The following ANK2 variants were observed in gnomAD, a reference collection of about 807,000 sequenced individuals.
The protein encoded by ANK2 is ankyrin-2.
In ANK2, 83 loss-of-function variants were observed where a neutral mutation model predicts 360.5. That is an observed-to-expected ratio of 0.23 (90% CI 0.19 to 0.28). The LOEUF (loss-of-function observed/expected upper bound fraction) is 0.28, where lower values mean the gene tolerates loss of function less well. Ranked by LOEUF, ANK2 falls within the 10% of genes least tolerant of loss-of-function variation. The pLI is 1.00. For synonymous variants in ANK2, 1,740 were observed against 1,759.5 expected (o/e 0.99, Z 0.28); for missense variants, 4,201 against 4,795.7 (o/e 0.88, Z 3.66).
At chr4:112,969,129 CA>C (rs2038485331) in intron 2 of ANK2, among the ~76,000 whole-genome samples, 1 of 152,132 alleles carries the variant, frequency 6.6e-6, no homozygotes, top group South Asian at 2.1e-4. Context: ...AGGTATTTTC[CA>C]AAGGCTTTAT....
chr4:112,804,444 C>T, the ANK2 span, among the ~76,000 whole-genome samples: 2 of 152,154 alleles, frequency 1.3e-5, no homozygotes, highest in African/African-American at 4.8e-5. Context: ...GTGGCATTAG[C>T]ACTGCATTTC....
chr4:112,827,070 C>T, intron 1 of ANK2: 1 of 1,201,098 alleles, frequency 8.3e-7, no homozygotes, highest in East Asian at 2.3e-5. Context: ...TGAACTTGAT[C>T]ACCCATGCAA....
At chr4:113,362,934 A>G (rs1485466460) in intron 39 of ANK2, among the ~76,000 whole-genome samples, 1 of 152,172 alleles carries the variant, frequency 6.6e-6, no homozygotes, top group African/African-American at 2.4e-5. Flanking sequence ...GATTTATAAT[A>G]CTCAAAACAT....
At chr4:113,007,203 G>A (rs978945785) in intron 2 of ANK2, among the ~76,000 whole-genome samples, 4 of 152,106 alleles carry the variant, frequency 2.6e-5, no homozygotes, top group African/African-American at 9.7e-5. Flanking sequence ...GAAGCTGCCC[G>A]ATTTGAGTAT....
chr4:113,151,321 A>ATT (rs774693995), intron 1 of ANK2: 16 of 382,404 alleles, frequency 4.2e-5, no homozygotes, highest in Non-Finnish European at 6.5e-5. Flanking sequence ...GTTTATTTGG[A>ATT]TCACAGTTCT....
rs759688702 is a variant in ANK2 at position 113,237,133 on chromosome 4, T to G, written c.630T>G (p.Leu210=). 6.2e-6 allele frequency: 10 copies of G among 1,614,168 alleles called. No homozygotes were observed. The South Asian group carries it at 9.9e-5, about 16-fold the overall frequency. ...AAGACGACACCAAATCTGCCGCACT[T>G]CTGCTTCAGAATGACCACAATGCTG... The part of the protein sequence containing the change: ...ARKDDTKSAA[L]LLQNDHNADV... The change falls in exon 6 of 46, where the codon CTT becomes CTG. Residue 210 remains leucine (L), a synonymous_variant. Transcript: ENST00000357077.
At chr4:113,124,968 T>TA (rs1280376510) in intron 1 of ANK2, among the ~76,000 whole-genome samples, 11 of 151,458 alleles carry the variant, frequency 7.3e-5, no homozygotes, top group African/African-American at 2.4e-4. Context: ...CCATCTCTTT[T>TA]AAAAAAAAAT....
intron 2 of ANK2, among the ~76,000 whole-genome samples, chr4:113,181,600 G>A (rs1328292203): frequency 6.6e-6 from 1 of 152,166 alleles, no homozygotes; most frequent in Non-Finnish European, 1.5e-5. Flanking sequence ...AAATACAGCA[G>A]GGGAGAAGGA....
chr4:112,732,452 GC>G, the ANK2 span, among the ~76,000 whole-genome samples: 2 of 151,884 alleles, frequency 1.3e-5, no homozygotes, highest in African/African-American at 4.8e-5. Flanking sequence ...TCCTTGTGTT[GC>G]CCAGGCTAGT....
At chr4:112,917,768 T>C (rs2090322737) in intron 2 of ANK2, among the ~76,000 whole-genome samples, 1 of 152,218 alleles carries the variant, frequency 6.6e-6, no homozygotes, top group Admixed American at 6.5e-5. Flanking sequence ...ATATGGACTT[T>C]CAATATGTAT....
chr4:112,836,317 C>A (rs1423989136), intron 1 of ANK2, among the ~76,000 whole-genome samples: 1 of 152,120 alleles, frequency 6.6e-6, no homozygotes, highest in African/African-American at 2.4e-5. Context: ...GCTTCCCCAG[C>A]CATACAGAAC....
intron 2 of ANK2, among the ~76,000 whole-genome samples, chr4:113,017,868 CAAAT>C (rs1180707556): frequency 6.6e-6 from 1 of 152,126 alleles, no homozygotes; most frequent in Non-Finnish European, 1.5e-5. Flanking sequence ...ATTTTAGTGT[CAAAT>C]AACCCATCAC....
intron 24 of ANK2, among the ~76,000 whole-genome samples, chr4:113,314,299 C>T (rs991132714): frequency 3.3e-5 from 5 of 152,084 alleles, no homozygotes; most frequent in African/African-American, 4.8e-5. Context: ...GATTTCTACT[C>T]GTTAAGTTTG....
In ANK2 at chr4:113,088,142, C is replaced by T. The variant is rs529540285; in HGVS notation, c.84+38330C>T. Among the ~76,000 whole-genome samples, 14 of 151,944 alleles carry T rather than the reference C, an allele frequency of 9.2e-5. 1 individual carries two copies. In the East Asian group the frequency reaches 9.7e-4, roughly 10 times the overall value. ...TTTAAGGCTGATAAATTGCTGTGTC[C>T]CTTGATGCTCTTCATTAGCATCAGA... On this transcript the variant is annotated intron_variant, in intron 1 of 45. Coordinates refer to ENST00000357077, the MANE Select transcript of ANK2 (RefSeq NM_001148.6).
chr4:113,184,038 G>T (rs1465418483), intron 2 of ANK2, among the ~76,000 whole-genome samples: 4 of 148,848 alleles, frequency 2.7e-5, no homozygotes, highest in African/African-American at 7.3e-5. Flanking sequence ...GAGATCCAAA[G>T]ACACTGCTTC....
chr4:112,719,589 G>T, the ANK2 span, among the ~76,000 whole-genome samples: 2 of 151,976 alleles, frequency 1.3e-5, no homozygotes, highest in African/African-American at 4.8e-5. Context: ...TTAGCCAGGC[G>T]TTGTGGTGGG....
At position 113,231,063 on chromosome 4, in the gene ANK2, T is replaced by C. The variant is rs1012107009; in HGVS notation, c.385-1098T>C. On this transcript the variant is annotated intron_variant, in intron 4 of 45. Transcript: ENST00000357077. ...ACATTTTCTTTTTTTTTTTTTTCTT[T>C]TTTTTTGAGATGGAGTCTCACTCTG... Among the ~76,000 whole-genome samples, 3 of 151,678 alleles carry C rather than the reference T, an allele frequency of 2.0e-5. No individual in the cohort carries two copies. In the East Asian group the frequency reaches 5.8e-4, roughly 29 times the overall value.
chr4:113,315,974 C>T (rs1008783085), intron 24 of ANK2, among the ~76,000 whole-genome samples: 9 of 151,046 alleles, frequency 6.0e-5, no homozygotes, highest in African/African-American at 2.2e-4. Flanking sequence ...TGGATCTTAG[C>T]TATCTTTGTG....
chr4:112,873,849 T>C lies in ANK2; in HGVS notation c.-39-30606T>C, dbSNP rs527441655. Among the ~76,000 whole-genome samples, 5 of 151,978 alleles carry C rather than the reference T, an allele frequency of 3.3e-5. No homozygotes were observed. The East Asian group carries it at 9.8e-4, about 30-fold the overall frequency. On this transcript the variant is annotated intron_variant, in intron 1 of 30. Coordinates refer to the ANK2 transcript ENST00000503271. Reference sequence around the variant, plus strand: ...GAGCCACCATGCCCGGCCCCTGTTATTGGTTTCTAAAGTTATTCCACTTTG... The same window carrying C: ...GAGCCACCATGCCCGGCCCCTGTTACTGGTTTCTAAAGTTATTCCACTTTG...
Sources: gnomAD v4.1 joint callset for allele counts (sites outside exome capture counted in the v4.1 genomes callset) on GRCh38, gnomAD v4.1.1 for gene constraint, MANE v1.5 for transcripts, NCBI Gene and HGNC (gene_info 2026-07-23, HGNC 2026-07-21) for gene names.